The following VIPR1 variants were observed in gnomAD, a reference collection of about 807,000 sequenced individuals.
VIPR1 encodes the protein vasoactive intestinal polypeptide receptor 1.
In VIPR1, 59 loss-of-function variants were observed where a neutral mutation model predicts 58.8. The observed-to-expected ratio is 1.00, with a 90% confidence interval of 0.81 to 1.25. The LOEUF (loss-of-function observed/expected upper bound fraction) is 1.25. Among genes scored for constraint, VIPR1 ranks in the 50% most tolerant of loss-of-function variants. VIPR1 has a pLI of 0.00. For missense variants in VIPR1, 626 were observed against 602.7 expected (o/e 1.04, Z -0.40); for synonymous variants, 251 against 242.1 (o/e 1.04, Z -0.34).
chr3:42,502,046 C>A (rs1174167504), upstream of VIPR1: 1 of 152,278 alleles, frequency 6.6e-6, no homozygotes, highest in African/African-American at 2.4e-5. Context: ...TTCGAGCCCT[C>A]GCTTCCTCTC....
chr3:42,520,572 C>A lies in VIPR1; in HGVS notation c.292+1242C>A, dbSNP rs148637963. On this transcript the variant is annotated intron_variant, in intron 3 of 12. Transcript: ENST00000325123. ...AGGGAGGAATCAAGCAGGCCCCACC[C>A]TAGGCTTAGGTTTAATGAGCCTTAG... 5.2e-4 allele frequency among the ~76,000 whole-genome samples: 79 copies of A among 152,028 alleles called. No homozygotes were observed. The East Asian group carries it at 0.015, about 29-fold the overall frequency.
chr3:42,530,845 G>T lies in VIPR1; in HGVS notation c.703G>T (p.Val235Leu). The T allele has an allele frequency of 3.7e-6, 6 of 1,614,128 alleles. No homozygotes were observed. Among genetic ancestry groups the T allele is most frequent in the Non-Finnish European group, 5.1e-6 (6 of 1,179,996 alleles). The change falls in exon 7 of 13, where the codon GTG becomes TTG. Residue 235 changes from valine to leucine, a missense_variant. Coordinates refer to ENST00000325123, the MANE Select transcript of VIPR1 (RefSeq NM_004624.4). ...CATGGCTAACTTCTTCTGGCTGCTG[G>T]TGGAGGGCCTCTACCTGTACACCCT... ...CVMANFFWLL[V>L]EGLYLYTLLA...
At chr3:42,502,074 C>A (rs1699888505), upstream of VIPR1, 1 of 152,266 alleles carries the variant, frequency 6.6e-6, no homozygotes, top group South Asian at 2.1e-4. Context: ...TTCTTCGGCG[C>A]GAAGGATGAA....
At chr3:42,513,303 GGGAACCAGAGGCCA>G (rs1700450929) in intron 1 of VIPR1, 1 of 153,640 alleles carries the variant, frequency 6.5e-6, no homozygotes, top group Non-Finnish European at 1.4e-5. Context: ...GGCTGGCCCT[GGGAACCAGAGGCCA>G]GGATCCAACT....
At chr3:42,516,041 G>C (rs1221515064) in intron 2 of VIPR1, among the ~76,000 whole-genome samples, 1 of 152,136 alleles carries the variant, frequency 6.6e-6, no homozygotes, top group African/African-American at 2.4e-5. Flanking sequence ...ATGTGTGCCT[G>C]GTGTTCTGTG....
intron 1 of VIPR1, among the ~76,000 whole-genome samples, chr3:42,496,130 G>A (rs923524023): frequency 4.6e-5 from 7 of 152,016 alleles, no homozygotes; most frequent in African/African-American, 1.2e-4. Flanking sequence ...CCAGCTACTC[G>A]GGAGGCTGAA....
intron 6 of VIPR1, chr3:42,528,764 G>T (rs1198898513): frequency 1.3e-5 from 2 of 152,456 alleles, no homozygotes; most frequent in African/African-American, 4.8e-5. Flanking sequence ...CCCAAGCTTT[G>T]ACAGAGAGCT....
intron 3 of VIPR1, among the ~76,000 whole-genome samples, chr3:42,522,919 A>T (rs1385768944): frequency 6.6e-6 from 1 of 152,172 alleles, no homozygotes; most frequent in Non-Finnish European, 1.5e-5. Context: ...ACTGGAAGAA[A>T]GGTGGCCCTT....
At chr3:42,521,047 G>A (rs1700890655) in intron 3 of VIPR1, among the ~76,000 whole-genome samples, 1 of 152,112 alleles carries the variant, frequency 6.6e-6, no homozygotes, top group South Asian at 2.1e-4. Flanking sequence ...CTGATCCCTG[G>A]AAGCACCTGC....
chr3:42,499,952 T>C (rs114863253), upstream of VIPR1: 2,607 of 152,374 alleles, frequency 0.017, 26 homozygotes, highest in Middle Eastern at 0.034. Flanking sequence ...CAGTCACATT[T>C]AATGTTGGTT....
chr3:42,499,875 G>A (rs1272157691), upstream of VIPR1, among the ~76,000 whole-genome samples: 1 of 152,194 alleles, frequency 6.6e-6, no homozygotes, highest in Admixed American at 6.5e-5. Context: ...TGGGCCCACG[G>A]TTGACCCCCT....
At chr3:42,528,434 ACTTCCTATG>A in intron 6 of VIPR1, 2 of 339,840 alleles carry the variant, frequency 5.9e-6, no homozygotes, top group Non-Finnish European at 1.1e-5. Flanking sequence ...CCTGTTGCTA[ACTTCCTATG>A]TGGCCTTGGG....
At chr3:42,502,925 A>T (rs1398927474) in intron 1 of VIPR1, 112 bp downstream of exon 1, 2 of 824,976 alleles carry the variant, frequency 2.4e-6, no homozygotes, top group Non-Finnish European at 3.2e-6. Context: ...GTGTAAGAGG[A>T]ATAGGGGACA....
intron 2 of VIPR1, among the ~76,000 whole-genome samples, chr3:42,517,472 T>C (rs1219763207): frequency 6.6e-6 from 1 of 152,156 alleles, no homozygotes; most frequent in Admixed American, 6.5e-5. Flanking sequence ...GCATGAAGCT[T>C]CTGAACAGAC....
intron 2 of VIPR1, among the ~76,000 whole-genome samples, chr3:42,515,779 T>A (rs545262069): frequency 6.6e-6 from 1 of 152,284 alleles, no homozygotes; most frequent in Admixed American, 6.5e-5. Flanking sequence ...TGACTCTGAG[T>A]ATCTTTGTGA....
Position 42,528,017 on chromosome 3 carries a change from T to A in VIPR1, c.530T>A (p.Ile177Asn). 6.2e-7 allele frequency: 1 copy of A among 1,613,928 alleles called. No homozygotes were observed. The highest frequency in any genetic ancestry group is 8.5e-7 in the Non-Finnish European group (1 of 1,179,942). Residue 177 changes from isoleucine to asparagine, a missense_variant, in exon 6 of 13, where the codon ATC (isoleucine) becomes AAC (asparagine). Transcript: ENST00000325123. Reference protein sequence around the residue: ...FRKLHCTRNYIHMHLFISFIL... With the variant: ...FRKLHCTRNYNHMHLFISFIL... Reference sequence around the variant, plus strand: ...AAGCTCCACTGCACGCGGAACTACATCCACATGCACCTCTTCATATCCTTC... The same window carrying A: ...AAGCTCCACTGCACGCGGAACTACAACCACATGCACCTCTTCATATCCTTC...
At chr3:42,531,191 G>A (rs931316259) in intron 7 of VIPR1, 16 of 610,644 alleles carry the variant, frequency 2.6e-5, no homozygotes, top group South Asian at 4.1e-5. Flanking sequence ...TTTAGTTCCC[G>A]AAATACACAG....
intron 1 of VIPR1, among the ~76,000 whole-genome samples, chr3:42,496,452 T>A (rs1320135174): frequency 6.6e-6 from 1 of 152,240 alleles, no homozygotes; most frequent in Non-Finnish European, 1.5e-5. Context: ...CTTTGGTTGC[T>A]GGACACCATA....
rs548962550 is a variant in VIPR1 at position 42,502,861 on chromosome 3, G to A, written c.78+48G>A. The A allele has an allele frequency of 2.2e-4, 267 of 1,222,112 alleles. 1 individual carries two copies. In the African/African-American group the frequency reaches 3.8e-3, roughly 18 times the overall value. The allele number at this position is 1,222,112 out of a possible 1,614,324, so 75.7% of individuals were successfully genotyped here. ...AGAGTCCCGGCAGCCTGGGGGTTGCGGAGGGCGGGGGAGGTGGGGGATGGC... is the reference window on the plus strand; with the variant it reads ...AGAGTCCCGGCAGCCTGGGGGTTGCAGAGGGCGGGGGAGGTGGGGGATGGC... On this transcript the variant is annotated intron_variant, in intron 1 of 12. Coordinates refer to ENST00000325123, the MANE Select transcript of VIPR1 (RefSeq NM_004624.4).
Sources: gnomAD v4.1 joint callset for allele counts (sites outside exome capture counted in the v4.1 genomes callset) on GRCh38, gnomAD v4.1.1 for gene constraint, MANE v1.5 for transcripts, NCBI Gene and HGNC (gene_info 2026-07-23, HGNC 2026-07-21) for gene names.